ZNF670: variants seen among roughly 807,000 people sequenced by gnomAD.
ZNF670 encodes zinc finger protein 670.
ZNF670 carries 7 observed loss-of-function variants against 10.9 expected under a neutral mutation model. That is an observed-to-expected ratio of 0.64 (90% CI 0.36 to 1.20). ZNF670 has a LOEUF of 1.20. ZNF670 is among the 50% of genes most tolerant of loss of function. ZNF670 has a pLI of 0.02. For synonymous variants in ZNF670, 136 were observed against 152.7 expected (o/e 0.89, Z 0.81); for missense variants, 446 against 458.6 (o/e 0.97, Z 0.25).
intron 1 of ZNF670, among the ~76,000 whole-genome samples, chr1:247,046,075 G>C (rs1043158832): frequency 6.6e-5 from 10 of 152,184 alleles, no homozygotes; most frequent in African/African-American, 2.2e-4. Context: ...TGGTATGGTC[G>C]CTTCTTTGCC....
In ZNF670 at chr1:247,037,723, T is replaced by C; in HGVS notation, c.896A>G (p.His299Arg). 6.2e-7 allele frequency: 1 copy of C among 1,614,044 alleles called. No homozygotes were observed. Among genetic ancestry groups the C allele is most frequent in the East Asian group, 2.2e-5 (1 of 44,864 alleles). Residue 299 changes from histidine (H) to arginine (R), a missense_variant, in exon 4 of 4, where the codon CAT becomes CGT. Coordinates refer to ENST00000366503, the MANE Select transcript of ZNF670 (RefSeq NM_033213.5). ...AFRCSRVLRVHERTHSGEKPY... is the reference protein window; with the variant it reads ...AFRCSRVLRVRERTHSGEKPY... ...CTTTTCTCCACTGTGAGTCCTTTCA[T>C]GGACTCTGAGGACTCTGGAACATCT...
chr1:247,076,041 G>C (rs185305529), intron 1 of ZNF670, among the ~76,000 whole-genome samples: 21 of 152,086 alleles, frequency 1.4e-4, no homozygotes, highest in Admixed American at 8.5e-4. Flanking sequence ...ATATTTTAAA[G>C]TTAATGAAAA....
chr1:247,040,966 C>G (rs1033460751), intron 1 of ZNF670, among the ~76,000 whole-genome samples: 2 of 152,086 alleles, frequency 1.3e-5, no homozygotes, highest in African/African-American at 4.8e-5. Flanking sequence ...AAGTGCTGGG[C>G]TTACAAGCCA....
At chr1:247,041,476 A>G (rs576764526) in intron 1 of ZNF670, among the ~76,000 whole-genome samples, 1 of 152,314 alleles carries the variant, frequency 6.6e-6, no homozygotes, top group Admixed American at 6.5e-5. Flanking sequence ...GAAAATAGTC[A>G]GGTATATGAC....
At chr1:247,056,671 G>A (rs957880630) in intron 1 of ZNF670, among the ~76,000 whole-genome samples, 1 of 152,180 alleles carries the variant, frequency 6.6e-6, no homozygotes, top group East Asian at 1.9e-4. Flanking sequence ...GGAGGCTGAG[G>A]CAGGCGGATC....
rs879552437 is a variant in ZNF670, at chr1:247,041,773, A to G, written c.4-2236T>C. Among the ~76,000 whole-genome samples the G allele has an allele frequency of 7.9e-5, 12 of 152,384 alleles. No homozygotes were observed. The East Asian group carries it at 2.1e-3, about 27-fold the overall frequency. ...TCATTAAAATGGACGGCTGAATTAA[A>G]TGGTCCACAGCCTCAGGCACTAGCA... On this transcript the variant is annotated intron_variant, in intron 1 of 3. Transcript: ENST00000366503.
chr1:247,060,390 A>G (rs971041661), intron 1 of ZNF670, among the ~76,000 whole-genome samples: 1 of 152,244 alleles, frequency 6.6e-6, no homozygotes, highest in Non-Finnish European at 1.5e-5. Flanking sequence ...TCTAAAGCAA[A>G]TGTTGAACAC....
At chr1:247,075,680 T>G (rs1311097933) in intron 1 of ZNF670, among the ~76,000 whole-genome samples, 1 of 152,218 alleles carries the variant, frequency 6.6e-6, no homozygotes, top group Non-Finnish European at 1.5e-5. Flanking sequence ...AAGACGTGAC[T>G]TGCTCCTTGT....
In ZNF670 at chr1:247,038,310, A is replaced by G. The variant is rs55978076; in HGVS notation, c.309T>C (p.Cys103=). 0.021 allele frequency: 33,957 copies of G among 1,614,200 alleles called. 435 individuals are homozygous for G. Among genetic ancestry groups the G allele is most frequent in the Non-Finnish European group, 0.026 (30,599 of 1,180,012 alleles). The part of the protein sequence containing the change: ...NKKVSTGVKP[C]ECSVCGKVFI... Reference sequence around the variant, plus strand: ...AGACTTTTCCACACACACTGCATTCACATGGCTTTACTCCAGTAGAAACTT... The same window carrying G: ...AGACTTTTCCACACACACTGCATTCGCATGGCTTTACTCCAGTAGAAACTT... The change falls in exon 4 of 4, where the codon TGT becomes TGC. Residue 103 remains cysteine, a synonymous_variant. Transcript: ENST00000366503.
At chr1:247,072,798 GTGTGTGTATATATATATATATA>G (rs1407383269) in intron 1 of ZNF670, among the ~76,000 whole-genome samples, 1 of 19,058 alleles carries the variant, frequency 5.2e-5, no homozygotes, top group Non-Finnish European at 9.6e-5. Flanking sequence ...AAAAAAAAAA[GTGTGTGTATATATATATATATA>G]TATATATATA....
chr1:247,073,438 A>T (rs919636595), intron 1 of ZNF670, among the ~76,000 whole-genome samples: 1 of 151,742 alleles, frequency 6.6e-6, no homozygotes, highest in Non-Finnish European at 1.5e-5. Flanking sequence ...GTGGAGATAC[A>T]GCCCAAGGTG....
chr1:247,062,970 C>T (rs747220502), intron 1 of ZNF670, among the ~76,000 whole-genome samples: 2 of 152,206 alleles, frequency 1.3e-5, no homozygotes, highest in Admixed American at 6.5e-5. Context: ...AAGAGGGTGG[C>T]TGAGGATACA....
At chr1:247,064,878 C>T (rs1463110989) in intron 1 of ZNF670, among the ~76,000 whole-genome samples, 1 of 152,156 alleles carries the variant, frequency 6.6e-6, no homozygotes, top group Non-Finnish European at 1.5e-5. Flanking sequence ...AATCTGGGCT[C>T]ACTGCAATCT....
intron 1 of ZNF670, among the ~76,000 whole-genome samples, chr1:247,041,272 T>C (rs569100594): frequency 4.6e-5 from 7 of 152,198 alleles, no homozygotes; most frequent in Non-Finnish European, 5.9e-5. Context: ...CAAATTCACA[T>C]ATATTAATAT....
rs1670212135 is a variant in ZNF670 at position 247,038,217 on chromosome 1, C to T, written c.402G>A (p.Glu134=). 1.2e-6 allele frequency: 2 copies of T among 1,614,154 alleles called. No homozygotes were observed. The highest frequency in any genetic ancestry group is 1.7e-6 in the Non-Finnish European group (2 of 1,180,022). Residue 134 remains glutamate (E), a synonymous_variant, in exon 4 of 4, where the codon GAG becomes GAA. Coordinates refer to ENST00000366503, the MANE Select transcript of ZNF670 (RefSeq NM_033213.5). ...AATGATATAACTTCTCTGGACATTC[C>T]TCACACTCAAATAGTTTGTTTCCAA... ...SHIGNKLFEC[E]ECPEKLYHCK...
intron 1 of ZNF670, among the ~76,000 whole-genome samples, chr1:247,053,630 C>T (rs541716200): frequency 7.2e-5 from 11 of 152,106 alleles, no homozygotes; most frequent in Non-Finnish European, 1.3e-4. Context: ...AGCGAGACTC[C>T]GTCTCAAAAA....
At chr1:247,047,830 G>A (rs996792001) in intron 1 of ZNF670, among the ~76,000 whole-genome samples, 1 of 152,182 alleles carries the variant, frequency 6.6e-6, no homozygotes, top group East Asian at 1.9e-4. Context: ...TTTAGCCACA[G>A]CTAGGACACA....
rs1351246493 is a variant in ZNF670 at position 247,045,421 on chromosome 1, T to C, written c.4-5884A>G. Among the ~76,000 whole-genome samples the C allele has an allele frequency of 2.0e-5, 3 of 152,160 alleles. No homozygotes were observed. The East Asian group carries it at 5.8e-4, about 29-fold the overall frequency. ...GCTGTCCTTGAAGTAATGAGTTCTCTGTTGGTTCACAGGAGAGCCGGGTAT... is the reference window on the plus strand; with the variant it reads ...GCTGTCCTTGAAGTAATGAGTTCTCCGTTGGTTCACAGGAGAGCCGGGTAT... On this transcript the variant is annotated intron_variant, in intron 1 of 3. Transcript: ENST00000366503.
chr1:247,069,217 T>G (rs1408973540), intron 1 of ZNF670, among the ~76,000 whole-genome samples: 1 of 151,208 alleles, frequency 6.6e-6, no homozygotes, highest in Non-Finnish European at 1.5e-5. Flanking sequence ...GATAAATGCC[T>G]GATACCCCAT....
Sources: gnomAD v4.1 joint callset for allele counts (sites outside exome capture counted in the v4.1 genomes callset) on GRCh38, gnomAD v4.1.1 for gene constraint, MANE v1.5 for transcripts, NCBI Gene and HGNC (gene_info 2026-07-23, HGNC 2026-07-21) for gene names.